The following ROR1 variants were observed in gnomAD, a reference collection of about 807,000 sequenced individuals.
The protein encoded by ROR1 is ROR family WNT receptor 1, also known as inactive tyrosine-protein kinase transmembrane receptor ROR1.
ROR1 carries 19 observed loss-of-function variants against 78.8 expected under a neutral mutation model. The ratio of observed to expected loss-of-function variants is 0.24; its 90% CI spans 0.17 to 0.35. ROR1 has a LOEUF of 0.35. Ranked by LOEUF, ROR1 falls within the 10% of genes least tolerant of loss-of-function variation. The pLI is 1.00. For missense variants in ROR1, 917 were observed against 1,177.8 expected (o/e 0.78, Z 3.24); for synonymous variants, 386 against 433.6 (o/e 0.89, Z 1.36).
chr1:64,146,590 T>C (rs1649479851), intron 7 of ROR1, among the ~76,000 whole-genome samples: 1 of 152,200 alleles, frequency 6.6e-6, no homozygotes, highest in African/African-American at 2.4e-5. Context: ...CTATCAGAAG[T>C]AGGGAAGTAA....
chr1:63,841,582 G>T (rs897227144), intron 1 of ROR1, among the ~76,000 whole-genome samples: 1 of 152,154 alleles, frequency 6.6e-6, no homozygotes, highest in Non-Finnish European at 1.5e-5. Flanking sequence ...TGTATTTCAT[G>T]TGAAACAAAA....
At chr1:64,062,407 G>A (rs1646924547) in intron 4 of ROR1, among the ~76,000 whole-genome samples, 1 of 152,156 alleles carries the variant, frequency 6.6e-6, no homozygotes, top group East Asian at 1.9e-4. Context: ...CACCTCCCGG[G>A]TTCATGCCAT....
intron 4 of ROR1, among the ~76,000 whole-genome samples, chr1:64,114,262 T>C (rs1057371782): frequency 1.3e-5 from 2 of 152,212 alleles, no homozygotes; most frequent in African/African-American, 4.8e-5. Flanking sequence ...AGTTAGGTCA[T>C]TGAAATCACA....
intron 1 of ROR1, among the ~76,000 whole-genome samples, chr1:63,951,594 G>A (rs1411866352): frequency 6.6e-6 from 1 of 152,176 alleles, no homozygotes; most frequent in East Asian, 1.9e-4. Flanking sequence ...GAATGTGTGT[G>A]GGAGGATTTC....
intron 1 of ROR1, among the ~76,000 whole-genome samples, chr1:63,834,779 TC>T (rs1401721969): frequency 6.6e-6 from 1 of 152,160 alleles, no homozygotes; most frequent in African/African-American, 2.4e-5. Flanking sequence ...GGACTACTGT[TC>T]CAAGATCTGG....
chr1:63,833,537 G>A (rs555130435), intron 1 of ROR1, among the ~76,000 whole-genome samples: 4 of 152,184 alleles, frequency 2.6e-5, no homozygotes, highest in South Asian at 2.1e-4. Context: ...TGGCTAGCTC[G>A]GGGACGAGCC....
intron 4 of ROR1, among the ~76,000 whole-genome samples, chr1:64,051,471 AT>A (rs1195802334): frequency 2.3e-4 from 33 of 140,942 alleles, no homozygotes; most frequent in East Asian, 8.2e-4. Context: ...ATAAAATAAA[AT>A]AAAATAAAAT....
intron 1 of ROR1, among the ~76,000 whole-genome samples, chr1:63,899,096 T>G (rs1281560000): frequency 3.3e-5 from 5 of 152,050 alleles, no homozygotes; most frequent in African/African-American, 1.2e-4. Context: ...GGCCAGGTTC[T>G]GTGCAGCCCA....
chr1:63,940,502 T>C (rs752131303), intron 1 of ROR1, among the ~76,000 whole-genome samples: 48 of 123,492 alleles, frequency 3.9e-4, no homozygotes, highest in African/African-American at 1.5e-3. Context: ...GACAGACAGA[T>C]AGATAGATAG....
intron 1 of ROR1, among the ~76,000 whole-genome samples, chr1:63,794,997 C>T (rs1202418145): frequency 6.6e-6 from 1 of 152,114 alleles, no homozygotes; most frequent in Non-Finnish European, 1.5e-5. Flanking sequence ...TGCACAGTGA[C>T]TTGTGGACCC....
chr1:63,821,991 T>G (rs934342469), intron 1 of ROR1, among the ~76,000 whole-genome samples: 1 of 152,202 alleles, frequency 6.6e-6, no homozygotes, highest in African/African-American at 2.4e-5. Context: ...AAAGCCATAT[T>G]TGGTGCAGAC....
At chr1:64,083,486 A>G (rs1390608601) in intron 4 of ROR1, among the ~76,000 whole-genome samples, 1 of 144,652 alleles carries the variant, frequency 6.9e-6, no homozygotes, top group Non-Finnish European at 1.5e-5. Context: ...GAATGAGAGG[A>G]GGGAAATTGA....
intron 4 of ROR1, among the ~76,000 whole-genome samples, chr1:64,077,395 C>T (rs568119692): frequency 7.2e-5 from 11 of 152,356 alleles, no homozygotes; most frequent in African/African-American, 1.2e-4. Flanking sequence ...CACACCCTCA[C>T]GTATCCTTTC....
chr1:64,094,044 T>C (rs1647233580), intron 4 of ROR1, among the ~76,000 whole-genome samples: 1 of 152,196 alleles, frequency 6.6e-6, no homozygotes, highest in African/African-American at 2.4e-5. Context: ...TTCTTTCTAC[T>C]ATACCACAGG....
intron 1 of ROR1, among the ~76,000 whole-genome samples, chr1:63,976,359 A>T (rs139168248): frequency 6.6e-6 from 1 of 152,308 alleles, no homozygotes; most frequent in Non-Finnish European, 1.5e-5. Context: ...CCCCACAGCC[A>T]TCTCTCTATA....
intron 2 of ROR1, among the ~76,000 whole-genome samples, chr1:64,015,335 T>G (rs372836817): frequency 8.5e-5 from 13 of 152,294 alleles, no homozygotes; most frequent in African/African-American, 2.9e-4. Context: ...AGCATGTCTA[T>G]GGGATTCATG....
chr1:64,090,007 T>C (rs556533923), intron 4 of ROR1, among the ~76,000 whole-genome samples: 47 of 152,124 alleles, frequency 3.1e-4, no homozygotes, highest in Non-Finnish European at 5.3e-4. Flanking sequence ...CCCTCTTGCC[T>C]GCCTCCATGT....
intron 4 of ROR1, among the ~76,000 whole-genome samples, chr1:64,132,641 T>G (rs1352029740): frequency 6.6e-6 from 1 of 150,872 alleles, no homozygotes; most frequent in Non-Finnish European, 1.5e-5. Flanking sequence ...ACGCCTCTAA[T>G]CCCAGCTACT....
intron 1 of ROR1, among the ~76,000 whole-genome samples, chr1:63,817,437 A>T (rs185603298): frequency 6.6e-6 from 1 of 152,334 alleles, no homozygotes; most frequent in East Asian, 1.9e-4. Flanking sequence ...GTTTTGGAAG[A>T]TTCAAGTTTG....
Sources: gnomAD v4.1 joint callset for allele counts (sites outside exome capture counted in the v4.1 genomes callset) on GRCh38, gnomAD v4.1.1 for gene constraint, MANE v1.5 for transcripts, NCBI Gene and HGNC (gene_info 2026-07-23, HGNC 2026-07-21) for gene names.